The following KCTD10 variants were observed in gnomAD, a reference collection of about 807,000 sequenced individuals.
The protein encoded by KCTD10 is BTB/POZ domain-containing adapter for CUL3-mediated RhoA degradation protein 3.
Under a neutral mutation model 34.6 loss-of-function variants are expected in KCTD10, and 13 were observed. The observed-to-expected ratio is 0.38, with a 90% confidence interval of 0.24 to 0.60. KCTD10 has a LOEUF of 0.60. Ranked by LOEUF, KCTD10 falls within the 20% of genes least tolerant of loss-of-function variation. KCTD10 has a pLI of 0.66. For synonymous variants in KCTD10, 156 were observed against 168.8 expected (o/e 0.92, Z 0.59); for missense variants, 256 against 420.3 (o/e 0.61, Z 3.42).
Position 109,469,543 on chromosome 12 carries a change from C to A in KCTD10, c.189G>T (p.Gly63=). ...QDTMLKAMFS[G]RMEVLTDSEG... is the part of the protein sequence containing the mutation. ...CACTGTCGGTGAGCACTTCCATGCG[C>A]CCGCTGAACATGGCCTTCAGCATGG... is the stretch of plus-strand genomic sequence containing the variant. Residue 63 remains glycine, a synonymous_variant, in exon 2 of 7, where the codon GGG becomes GGT. Transcript: ENST00000228495. The A allele has an allele frequency of 6.2e-7, 1 of 1,614,202 alleles. No individual in the cohort carries two copies. The highest frequency in any genetic ancestry group is 8.5e-7 in the Non-Finnish European group (1 of 1,180,022).
intron 1 of KCTD10, 106 bp downstream of exon 1, chr12:109,477,154 C>T: frequency 7.3e-7 from 1 of 1,361,244 alleles, no homozygotes; most frequent in Admixed American, 2.1e-5. Context: ...ACTATCGTGA[C>T]TGCCCCTCAT....
intron 2 of KCTD10, chr12:109,464,679 C>A: frequency 3.1e-6 from 1 of 326,490 alleles, no homozygotes; most frequent in South Asian, 2.4e-5. Context: ...TGCAATCAAG[C>A]AGTTAAAAGA....
Position 109,451,655 on chromosome 12 carries a change from G to T in KCTD10, c.882C>A (p.Ile294=). The change falls in exon 7 of 7, where the codon ATC becomes ATA. Residue 294 remains isoleucine (I), a synonymous_variant. Transcript: ENST00000228495. The surrounding 1 kb of genome is among the most constrained non-coding windows in gnomAD (Gnocchi z 5.0). ...HLDEDEERER[I]ERVRRIHIKR... ...TGATGTGGATCCTCCGCACGCGCTC[G>T]ATCCGCTCCCGCTCCTCGTCCTCGT... is the stretch of plus-strand genomic sequence containing the variant. 2.5e-6 allele frequency: 4 copies of T among 1,613,134 alleles called. 1 individual carries two copies. In the South Asian group the frequency reaches 4.4e-5, roughly 18 times the overall value.
chr12:109,469,425 A>G, intron 2 of KCTD10, 90 bp downstream of exon 2: 1 of 1,473,054 alleles, frequency 6.8e-7, no homozygotes, highest in Non-Finnish European at 9.3e-7. Context: ...ACACATCTTC[A>G]GGTCTCGACT....
In KCTD10 at chr12:109,451,899, A is replaced by ATCAGG; in HGVS notation, c.724-87_724-86insCCTGA. ...GACTTTAAGCAGGGCCGCCAGGCTAAATCAGGCCCCTGGGATTCTGCTGAA... is the reference window on the plus strand; with the variant it reads ...GACTTTAAGCAGGGCCGCCAGGCTAATCAGGATCAGGCCCCTGGGATTCTGCTGAA... On this transcript the variant is annotated intron_variant, in intron 6 of 6. Transcript: ENST00000228495. This position sits in a 1 kb window ranked among gnomAD's most constrained non-coding sequence, Gnocchi z 5.0. 1 of 1,121,704 alleles carries ATCAGG rather than the reference A, an allele frequency of 8.9e-7. No homozygotes were observed. The highest frequency in any genetic ancestry group is 1.2e-6 in the Non-Finnish European group (1 of 807,946). The allele number at this position is 1,121,704 out of a possible 1,614,324, so 69.5% of individuals were successfully genotyped here.
intron 1 of KCTD10, among the ~76,000 whole-genome samples, chr12:109,476,906 T>A (rs572564875): frequency 7.2e-5 from 11 of 152,150 alleles, no homozygotes; most frequent in Non-Finnish European, 1.6e-4. Context: ...CGTTTTCAAT[T>A]GATATCTCTT....
chr12:109,456,340 C>G, intron 5 of KCTD10, 27 bp from the exon 6 acceptor site: 1 of 1,607,156 alleles, frequency 6.2e-7, no homozygotes, highest in Non-Finnish European at 8.5e-7. Flanking sequence ...GATACGGTGA[C>G]CACAAGCTGG....
At chr12:109,477,202 G>A in intron 1 of KCTD10, 58 bp downstream of exon 1, 1 of 1,607,294 alleles carries the variant, frequency 6.2e-7, no homozygotes, top group Non-Finnish European at 8.5e-7. Context: ...ATACTCTGCT[G>A]CTGCCCAGCT....
intron 1 of KCTD10, among the ~76,000 whole-genome samples, chr12:109,471,888 A>C (rs1230788007): frequency 6.6e-6 from 1 of 152,194 alleles, no homozygotes; most frequent in East Asian, 1.9e-4. Context: ...AAGTACATAA[A>C]GTATACTTCA....
chr12:109,452,997 G>A (rs528020391), intron 6 of KCTD10, among the ~76,000 whole-genome samples: 6 of 152,168 alleles, frequency 3.9e-5, no homozygotes, highest in South Asian at 2.1e-4. Context: ...CAGGAGTGGC[G>A]TGTTCTTGTG....
rs1872669247 is a variant in KCTD10, at chr12:109,449,794, T to C, written c.*1801A>G. 6.9e-6 allele frequency: 1 copy of C among 145,150 alleles called. No individual in the cohort carries two copies. Among genetic ancestry groups the C allele is most frequent in the East Asian group, 2.0e-4 (1 of 5,118 alleles). 9.0% of individuals were successfully genotyped at this position (145,150 alleles called of 1,614,324 possible). On this transcript the variant is annotated 3_prime_UTR_variant, in exon 7 of 7. Transcript: ENST00000228495. Reference sequence around the variant, plus strand: ...ATTCACTTCGACTTTCTAAAAAAGCTCAACCCAAAAGAAAGACAGGGTTGG... The same window carrying C: ...ATTCACTTCGACTTTCTAAAAAAGCCCAACCCAAAAGAAAGACAGGGTTGG...
At chr12:109,475,742 T>C (rs546677078) in intron 1 of KCTD10, among the ~76,000 whole-genome samples, 2 of 152,342 alleles carry the variant, frequency 1.3e-5, no homozygotes, top group South Asian at 4.1e-4. Flanking sequence ...AAACACTGTA[T>C]TGAGGCTTGT....
At position 109,450,661 on chromosome 12, in the gene KCTD10, A is replaced by T. The variant is rs1207558949; in HGVS notation, c.*934T>A. On this transcript the variant is annotated 3_prime_UTR_variant, in exon 7 of 7. Coordinates refer to ENST00000228495, the MANE Select transcript of KCTD10 (RefSeq NM_031954.5). ...GCAAAATGACTTAGAAAGTTAGCCC[A>T]GCTTCATGGGGAAGGAGGCTGAAGA... 3.3e-6 allele frequency: 1 copy of T among 301,652 alleles called. No homozygotes were observed. The highest frequency in any genetic ancestry group is 6.1e-6 in the Non-Finnish European group (1 of 164,958). The allele number at this position is 301,652 out of a possible 1,614,324, so 18.7% of individuals were successfully genotyped here. A position where few individuals can be genotyped will look rare whatever the true frequency, so the allele number is the denominator to read the frequency against.
Position 109,469,498 on chromosome 12 carries a change from AT to A in KCTD10, c.217+16del, listed in dbSNP as rs780436493. 3 of 1,612,224 alleles carry A rather than the reference AT, an allele frequency of 1.9e-6. No homozygotes were observed. Among genetic ancestry groups the A allele is most frequent in the Non-Finnish European group, 1.7e-6 (2 of 1,178,946 alleles). On this transcript the variant is annotated intron_variant, in intron 2 of 6. Transcript: ENST00000228495. The stretch of plus-strand genomic sequence containing the variant: ...ATAACGCATGGCCAGAGGCAGGCAC[AT>A]GGTGGGTGAGCTTACCTTCACTGTC...
chr12:109,452,692 A>G (rs1872832894), intron 6 of KCTD10, among the ~76,000 whole-genome samples: 1 of 152,210 alleles, frequency 6.6e-6, no homozygotes. Flanking sequence ...AATGCCCAAC[A>G]GTGAGTTTAC....
At chr12:109,452,646 T>C (rs183590203) in intron 6 of KCTD10, among the ~76,000 whole-genome samples, 462 of 152,300 alleles carry the variant, frequency 3.0e-3, no homozygotes, top group Non-Finnish European at 5.4e-3. Flanking sequence ...AAGTAAATCA[T>C]GGCAGGCAGA....
In KCTD10 at chr12:109,451,638, A is replaced by C. The variant is rs1373019244; in HGVS notation, c.899T>G (p.Ile300Ser). ...ERERIERVRR[I>S]HIKRPDDRAH... Reference sequence around the variant, plus strand: ...CCGGTCATCAGGGCGCTTGATGTGGATCCTCCGCACGCGCTCGATCCGCTC... The same window carrying C: ...CCGGTCATCAGGGCGCTTGATGTGGCTCCTCCGCACGCGCTCGATCCGCTC... Residue 300 changes from isoleucine (I) to serine (S), a missense_variant, in exon 7 of 7, where the codon ATC becomes AGC. By Grantham distance (142) the Ile-to-Ser change is moderately radical (BLOSUM62 -2). Coordinates refer to ENST00000228495, the MANE Select transcript of KCTD10 (RefSeq NM_031954.5). This position sits in a 1 kb window ranked among gnomAD's most constrained non-coding sequence, Gnocchi z 5.0. 2 of 1,611,710 alleles carry C rather than the reference A, an allele frequency of 1.2e-6. No individual in the cohort carries two copies. The highest frequency in any genetic ancestry group is 1.1e-5 in the South Asian group (1 of 90,950).
chr12:109,475,995 G>C (rs1222238318), intron 1 of KCTD10, among the ~76,000 whole-genome samples: 1 of 152,090 alleles, frequency 6.6e-6, no homozygotes, highest in African/African-American at 2.4e-5. Flanking sequence ...CTTTTTTGGG[G>C]AGAAAACTAG....
chr12:109,456,334 C>T (rs375383702), intron 5 of KCTD10, 21 bp from the exon 6 acceptor site: 16 of 1,608,538 alleles, frequency 9.9e-6, no homozygotes, highest in Admixed American at 1.7e-5. Context: ...GCATTTGATA[C>T]GGTGACCACA....
Sources: gnomAD v4.1 joint callset for allele counts (sites outside exome capture counted in the v4.1 genomes callset) on GRCh38, gnomAD v4.1.1 for gene constraint, Gnocchi (gnomAD v3.1) non-coding constraint, MANE v1.5 for transcripts, NCBI Gene and HGNC (gene_info 2026-07-23, HGNC 2026-07-21) for gene names.